Variants in FGD6 observed in about 807,000 individuals in gnomAD.
FGD6 encodes FYVE, RhoGEF and PH domain-containing protein 6.
In FGD6, 90 loss-of-function variants were observed where a neutral mutation model predicts 149.4. The observed-to-expected ratio is 0.60, with a 90% CI of 0.51 to 0.72. FGD6 has a LOEUF of 0.72. Ranked by LOEUF, FGD6 falls within the 30% of genes least tolerant of loss-of-function variation. The probability of loss-of-function intolerance (pLI) is 0.00; values close to 1 mark genes in which losing one functional copy is unlikely to be tolerated. For synonymous variants in FGD6, 527 were observed against 584.0 expected (o/e 0.90, Z 1.41); for missense variants, 1,437 against 1,684.8 (o/e 0.85, Z 2.57).
At chr12:95,104,259 TG>T (rs914065723) in intron 14 of FGD6, among the ~76,000 whole-genome samples, 5 of 152,132 alleles carry the variant, frequency 3.3e-5, no homozygotes, top group African/African-American at 1.2e-4. Flanking sequence ...CAAAAAGTGT[TG>T]GCAATATCTT....
At chr12:95,108,657 T>TA in intron 9 of FGD6, 96 bp from the exon 10 acceptor site, 2 of 1,366,216 alleles carry the variant, frequency 1.5e-6, no homozygotes, top group Non-Finnish European at 2.1e-6. Context: ...ATAGCTAGTT[T>TA]ATAGCAACCA....
At chr12:95,105,138 C>A in intron 13 of FGD6, 52 bp from the exon 14 acceptor site, 2 of 1,520,118 alleles carry the variant, frequency 1.3e-6, no homozygotes, top group South Asian at 1.2e-5. Flanking sequence ...AAAACCATAT[C>A]AATGAGCTGA....
At chr12:95,118,512 G>C (rs1473883180) in intron 8 of FGD6, among the ~76,000 whole-genome samples, 6 of 152,234 alleles carry the variant, frequency 3.9e-5, no homozygotes, top group Non-Finnish European at 8.8e-5. Context: ...AAACTAGTCG[G>C]AAGTCCTGTT....
At chr12:95,136,573 C>T (rs1879673526) in intron 7 of FGD6, among the ~76,000 whole-genome samples, 1 of 152,162 alleles carries the variant, frequency 6.6e-6, no homozygotes. Context: ...AAAGTCAAAG[C>T]TTTGGCTGAC....
chr12:95,148,559 T>G (rs200073015), intron 5 of FGD6, among the ~76,000 whole-genome samples: 1 of 90,292 alleles, frequency 1.1e-5, no homozygotes, highest in South Asian at 2.8e-4. Flanking sequence ...ATATTATATA[T>G]TATATATTAT....
At chr12:95,213,599 G>A (rs758084622) in intron 1 of FGD6, among the ~76,000 whole-genome samples, 3 of 152,002 alleles carry the variant, frequency 2.0e-5, no homozygotes, top group Admixed American at 6.6e-5. Flanking sequence ...TTTACTTTCC[G>A]TATCTTAGAA....
intron 2 of FGD6, among the ~76,000 whole-genome samples, chr12:95,176,505 T>G (rs549609847): frequency 6.6e-6 from 1 of 152,304 alleles, no homozygotes; most frequent in Non-Finnish European, 1.5e-5. Context: ...TAAGTCAGAT[T>G]TGCTTCTGCA....
At chr12:95,161,039 GCATGGTGGCACA>G (rs1332407138) in intron 3 of FGD6, among the ~76,000 whole-genome samples, 2 of 151,408 alleles carry the variant, frequency 1.3e-5, no homozygotes, top group Non-Finnish European at 2.9e-5. Flanking sequence ...AATTAGCTGG[GCATGGTGGCACA>G]CACCCGTAAT....
intron 3 of FGD6, among the ~76,000 whole-genome samples, chr12:95,160,669 A>G (rs1880612866): frequency 6.6e-6 from 1 of 152,218 alleles, no homozygotes; most frequent in Non-Finnish European, 1.5e-5. Context: ...TGTAAAGTCA[A>G]TCAAACAGCT....
rs1053172906 is a variant in FGD6 at position 95,108,226 on chromosome 12, T to C, written c.3264+122A>G. 3 of 819,458 alleles carry C rather than the reference T, an allele frequency of 3.7e-6. No individual in the cohort carries two copies. In the African/African-American group the frequency reaches 5.2e-5, roughly 14 times the overall value. 50.8% of individuals were successfully genotyped at this position (819,458 alleles called of 1,614,324 possible). ...TCATGAATGTTTTGAACGGATAAAG[T>C]GATCAAAATTGAATCAATGAAGAGT... On this transcript the variant is annotated intron_variant, in intron 11 of 20. Coordinates refer to ENST00000343958, the MANE Select transcript of FGD6 (RefSeq NM_018351.4).
chr12:95,086,934 G>A (rs144109246), intron 18 of FGD6, among the ~76,000 whole-genome samples: 17,254 of 139,706 alleles, frequency 0.12, 1,571 homozygotes, highest in African/African-American at 0.27. Context: ...TGCAACCTCT[G>A]CCTCTTGGGT....
chr12:95,094,482 C>A, intron 15 of FGD6, 110 bp downstream of exon 15: 1 of 696,400 alleles, frequency 1.4e-6, no homozygotes, highest in South Asian at 1.8e-5. Context: ...CTCTGATGTC[C>A]AGTCCAATCA....
intron 3 of FGD6, among the ~76,000 whole-genome samples, chr12:95,158,375 C>G (rs2136276190): frequency 6.6e-6 from 1 of 150,760 alleles, no homozygotes; most frequent in East Asian, 2.0e-4. Context: ...CGGGGTTTCA[C>G]CGTGTTAGCC....
intron 14 of FGD6, among the ~76,000 whole-genome samples, chr12:95,097,394 G>A (rs1878269125): frequency 1.3e-5 from 2 of 152,138 alleles, no homozygotes; most frequent in Admixed American, 1.3e-4. Flanking sequence ...CCAGCACTTT[G>A]GGAGGCCGAG....
intron 1 of FGD6, among the ~76,000 whole-genome samples, chr12:95,213,055 T>C (rs550741733): frequency 2.6e-5 from 4 of 151,154 alleles, no homozygotes; most frequent in East Asian, 1.9e-4. Flanking sequence ...GAGTTTTTTT[T>C]AGGCAGAAAA....
chr12:95,152,852 C>T lies in FGD6; in HGVS notation c.2655-11G>A, dbSNP rs1366828625. The T allele has an allele frequency of 6.2e-7, 1 of 1,613,462 alleles. No homozygotes were observed. Among genetic ancestry groups the T allele is most frequent in the Admixed American group, 1.7e-5 (1 of 59,938 alleles). ...AACACATCCACAAACCTGTAAAAAA[C>T]AACAATGAAAAAAATGTTTTAAATG... On this transcript the variant is annotated splice_polypyrimidine_tract_variant and intron_variant, in intron 4 of 20. Transcript: ENST00000343958.
intron 3 of FGD6, among the ~76,000 whole-genome samples, chr12:95,157,973 G>A (rs1377934394): frequency 2.6e-5 from 4 of 151,768 alleles, no homozygotes; most frequent in South Asian, 2.1e-4. Context: ...TTAGCCTCCC[G>A]AGTAGCTGGA....
Position 95,141,434 on chromosome 12 carries a change from G to A in FGD6, c.2791C>T (p.Leu931Phe). 1 of 1,614,104 alleles carries A rather than the reference G, an allele frequency of 6.2e-7. No homozygotes were observed. The highest frequency in any genetic ancestry group is 8.5e-7 in the Non-Finnish European group (1 of 1,180,006). The change falls in exon 6 of 21, where the codon CTC becomes TTC. Residue 931 changes from leucine to phenylalanine, a missense_variant. This residue lies in a region of FGD6 where 1,055 missense variants were observed against 1,146.0 expected (regional missense o/e 0.92). Transcript: ENST00000343958. ...AGTTCCTTCAAGAGATCCCGGTTGAGCTCATACAGCTGAGGCAAGTAGTAT... is the reference window on the plus strand; with the variant it reads ...AGTTCCTTCAAGAGATCCCGGTTGAACTCATACAGCTGAGGCAAGTAGTAT... ...ILYYLPQLYELNRDLLKELEE... is the reference protein window; with the variant it reads ...ILYYLPQLYEFNRDLLKELEE...
Position 95,172,657 on chromosome 12 carries a change from T to C in FGD6, c.2529A>G (p.Glu843=), listed in dbSNP as rs1171625998. The change falls in exon 3 of 21, where the codon GAA becomes GAG. Residue 843 remains glutamate (E), a synonymous_variant. Transcript: ENST00000343958. ...DEEEIINSSD[E]DDVSSESSKG... Reference sequence around the variant, plus strand: ...TACTTGACTCAGAGCTGACATCATCTTCATCAGAACTGTTGATGATTTCCT... The same window carrying C: ...TACTTGACTCAGAGCTGACATCATCCTCATCAGAACTGTTGATGATTTCCT... 2 of 1,613,272 alleles carry C rather than the reference T, an allele frequency of 1.2e-6. No homozygotes were observed. The highest frequency in any genetic ancestry group is 3.3e-5 in the Admixed American group (2 of 59,976).
Sources: allele counts gnomAD v4.1 joint callset (sites outside exome capture counted in the v4.1 genomes callset), GRCh38; gene constraint gnomAD v4.1.1; regional missense constraint gnomAD v4.1.1; transcripts MANE v1.5; gene names NCBI Gene and HGNC (gene_info 2026-07-23, HGNC 2026-07-21).